The following LRFN5 variants were observed in gnomAD, a reference collection of about 807,000 sequenced individuals.
LRFN5 encodes leucine-rich repeat and fibronectin type-III domain-containing protein 5.
Under a neutral mutation model 45.6 loss-of-function variants are expected in LRFN5, and 24 were observed. The observed-to-expected ratio is 0.53, with a 90% CI of 0.38 to 0.74. The LOEUF (loss-of-function observed/expected upper bound fraction) is 0.74. LRFN5 is among the 30% of genes least tolerant of loss of function. LRFN5 has a pLI of 0.00. For missense variants in LRFN5, 776 were observed against 861.5 expected (o/e 0.90, Z 1.24); for synonymous variants, 340 against 313.8 (o/e 1.08, Z -0.88).
intron 1 of LRFN5, among the ~76,000 whole-genome samples, chr14:41,657,567 G>A (rs1407817818): frequency 1.3e-5 from 2 of 151,882 alleles, no homozygotes; most frequent in African/African-American, 4.8e-5. Context: ...TTGTAACTAA[G>A]AAAAATGCCT....
At chr14:41,780,758 A>G (rs1473200256) in intron 2 of LRFN5, among the ~76,000 whole-genome samples, 1 of 151,452 alleles carries the variant, frequency 6.6e-6, no homozygotes, top group African/African-American at 2.4e-5. Context: ...TTTAATTTTT[A>G]TTTTTCTGCA....
intron 1 of LRFN5, among the ~76,000 whole-genome samples, chr14:41,678,586 A>G (rs1329640709): frequency 1.3e-5 from 2 of 152,212 alleles, no homozygotes; most frequent in African/African-American, 4.8e-5. Flanking sequence ...ATGAAAGAAT[A>G]TAAGTTCTTC....
intron 1 of LRFN5, among the ~76,000 whole-genome samples, chr14:41,640,430 A>G (rs1026443095): frequency 1.3e-5 from 2 of 152,092 alleles, no homozygotes; most frequent in Non-Finnish European, 2.9e-5. Flanking sequence ...GGCAAACCTA[A>G]TTTTGAATAA....
intron 2 of LRFN5, among the ~76,000 whole-genome samples, chr14:41,872,128 T>A (rs951824043): frequency 1.3e-5 from 2 of 152,206 alleles, no homozygotes; most frequent in African/African-American, 4.8e-5. Context: ...AATGTGTTTA[T>A]TCACTTTAAT....
chr14:41,816,922 G>A (rs1184518982), intron 2 of LRFN5, among the ~76,000 whole-genome samples: 9 of 147,618 alleles, frequency 6.1e-5, no homozygotes, highest in Non-Finnish European at 1.0e-4. Context: ...TATACCATTT[G>A]TAATTATTTC....
chr14:41,783,540 G>A (rs1209476063), intron 2 of LRFN5, among the ~76,000 whole-genome samples: 1 of 152,024 alleles, frequency 6.6e-6, no homozygotes, highest in African/African-American at 2.4e-5. Flanking sequence ...ATTTTTAGTG[G>A]CCATTTTGGT....
intron 2 of LRFN5, among the ~76,000 whole-genome samples, chr14:41,801,244 C>T (rs1489022959): frequency 2.0e-5 from 3 of 151,992 alleles, no homozygotes; most frequent in Non-Finnish European, 4.4e-5. Flanking sequence ...AATGGAACAA[C>T]AATCCTCCCT....
chr14:41,749,316 C>T (rs1885038549), intron 1 of LRFN5, among the ~76,000 whole-genome samples: 2 of 152,096 alleles, frequency 1.3e-5, no homozygotes, highest in Non-Finnish European at 2.9e-5. Context: ...TGTATTAATG[C>T]ATGCCAGAGG....
chr14:41,735,329 A>T (rs1884377701), intron 1 of LRFN5, among the ~76,000 whole-genome samples: 1 of 152,106 alleles, frequency 6.6e-6, no homozygotes, highest in South Asian at 2.1e-4. Context: ...ATGCAGTGGC[A>T]CAATCATGGC....
At chr14:41,849,652 G>C (rs933333911) in intron 2 of LRFN5, among the ~76,000 whole-genome samples, 1 of 151,868 alleles carries the variant, frequency 6.6e-6, no homozygotes, top group Non-Finnish European at 1.5e-5. Flanking sequence ...AGATTTCTCT[G>C]TCTCTTTTAT....
chr14:41,899,395 G>A (rs1566513706), intron 5 of LRFN5, among the ~76,000 whole-genome samples: 3 of 152,078 alleles, frequency 2.0e-5, no homozygotes. Context: ...ATGAACAGAA[G>A]TGTTTCACTG....
intron 2 of LRFN5, among the ~76,000 whole-genome samples, chr14:41,823,818 T>G (rs1426843922): frequency 1.3e-5 from 2 of 152,326 alleles, no homozygotes; most frequent in East Asian, 3.9e-4. Flanking sequence ...TGACTCATAG[T>G]TTTGAACACT....
chr14:41,801,461 T>C (rs1887329580), intron 2 of LRFN5, among the ~76,000 whole-genome samples: 6 of 152,202 alleles, frequency 3.9e-5, no homozygotes, highest in Admixed American at 3.9e-4. Flanking sequence ...ACAAACTGCA[T>C]ATATCTTAGA....
intron 1 of LRFN5, among the ~76,000 whole-genome samples, chr14:41,637,099 C>T (rs997003336): frequency 6.6e-6 from 1 of 152,148 alleles, no homozygotes; most frequent in Non-Finnish European, 1.5e-5. Context: ...TTCTCCCTAT[C>T]TCAGGATATT....
rs34020254 is a variant in LRFN5 at position 41,639,949 on chromosome 14, A to ATTT, written c.-197+31414_-197+31416dup. Among the ~76,000 whole-genome samples the ATTT allele has an allele frequency of 1.4e-3, 95 of 68,080 alleles. 2 individuals are homozygous for ATTT. The highest frequency in any genetic ancestry group is 3.8e-3 in the African/African-American group (66 of 17,452). The allele number at this position is 68,080 out of a possible 152,430, so 44.7% of individuals were successfully genotyped here. A position where few individuals can be genotyped will look rare whatever the true frequency, so the allele number is the denominator to read the frequency against. On this transcript the variant is annotated intron_variant, in intron 1 of 5. Transcript: ENST00000298119. ...AGATGGATGCCAACATGACTGGCTA[A>ATTT]TTTTTTTTTTTTTTTTTTTTTTTTT...
intron 1 of LRFN5, among the ~76,000 whole-genome samples, chr14:41,669,293 C>G (rs984422920): frequency 1.8e-4 from 27 of 149,910 alleles, no homozygotes; most frequent in Admixed American, 8.0e-4. Flanking sequence ...AATAATCTGT[C>G]CAGAAAAAAA....
intron 2 of LRFN5, among the ~76,000 whole-genome samples, chr14:41,856,675 A>ATTTTTTT (rs1555326982): frequency 3.0e-3 from 54 of 18,264 alleles, no homozygotes; most frequent in Non-Finnish European, 5.5e-3. Context: ...TATTATTATT[A>ATTTTTTT]TTTTTTTTTT....
chr14:41,880,320 G>C (rs1174456445), intron 2 of LRFN5, among the ~76,000 whole-genome samples: 1 of 151,298 alleles, frequency 6.6e-6, no homozygotes, highest in Non-Finnish European at 1.5e-5. Flanking sequence ...CATTTTAATA[G>C]TCTCATTTCT....
intron 1 of LRFN5, among the ~76,000 whole-genome samples, chr14:41,676,777 A>C (rs1343255879): frequency 3.3e-5 from 5 of 152,204 alleles, no homozygotes; most frequent in Non-Finnish European, 7.3e-5. Context: ...ATTATTGTAC[A>C]AATAGGCTAT....
Sources: allele counts gnomAD v4.1 joint callset (sites outside exome capture counted in the v4.1 genomes callset), GRCh38; gene constraint gnomAD v4.1.1; transcripts MANE v1.5; gene names NCBI Gene and HGNC (gene_info 2026-07-23, HGNC 2026-07-21).